The following RGPD2 variants were observed in gnomAD, a reference collection of about 807,000 sequenced individuals.
The protein encoded by RGPD2 is RANBP2 like and GRIP domain containing 2.
In RGPD2, 2 loss-of-function variants were observed where a neutral mutation model predicts 36.0. The observed-to-expected ratio is 0.06, with a 90% CI of 0.02 to 0.17. The LOEUF is 0.17. Ranked by LOEUF, RGPD2 falls within the 10% of genes least tolerant of loss-of-function variation. The probability of loss-of-function intolerance (pLI) is 1.00; values close to 1 mark genes in which losing one functional copy is unlikely to be tolerated. For synonymous variants in RGPD2, 19 were observed against 163.8 expected, an observed-to-expected ratio of 0.12 and a Z score of 6.75; for missense variants, 40 against 464.3, an observed-to-expected ratio of 0.09 and a Z score of 8.40.
chr2:87,877,460 G>T, the RGPD2 span, among the ~76,000 whole-genome samples: 4 of 152,152 alleles, frequency 2.6e-5, no homozygotes, highest in Non-Finnish European at 5.9e-5. Context: ...TTCACTTATG[G>T]AGCTTAGTTT....
the RGPD2 span, among the ~76,000 whole-genome samples, chr2:87,880,238 T>C: frequency 6.6e-6 from 1 of 152,238 alleles, no homozygotes; most frequent in Admixed American, 6.5e-5. Flanking sequence ...ATAATTTGCA[T>C]ATATTTTTCC....
the RGPD2 span, among the ~76,000 whole-genome samples, chr2:87,873,172 C>T: frequency 6.6e-6 from 1 of 151,922 alleles, no homozygotes; most frequent in Admixed American, 6.5e-5. Flanking sequence ...GACATAATCT[C>T]ATTCCCTTTT....
intron 1 of RGPD2, among the ~76,000 whole-genome samples, chr2:87,824,699 T>TGAGGCC (rs1164556606): frequency 1.9e-4 from 22 of 114,798 alleles, no homozygotes; most frequent in African/African-American, 5.4e-4. Flanking sequence ...GTAAGAGAGG[T>TGAGGCC]GAGGCCGAGG....
At chr2:87,827,147 G>A (rs531472307), upstream of RGPD2, among the ~76,000 whole-genome samples, 1 of 152,168 alleles carries the variant, frequency 6.6e-6, no homozygotes, top group East Asian at 1.9e-4. Flanking sequence ...AAATGAGATT[G>A]ACAGGAAGTG....
chr2:87,910,572 C>G, the RGPD2 span, among the ~76,000 whole-genome samples: 1 of 152,198 alleles, frequency 6.6e-6, no homozygotes, highest in Non-Finnish European at 1.5e-5. Flanking sequence ...TTTATTCATT[C>G]AACAAATACA....
chr2:87,756,575 G>C lies in RGPD2; in HGVS notation c.*817C>G, dbSNP rs1684729580. 2.8e-6 allele frequency: 1 copy of C among 360,430 alleles called. No individual in the cohort carries two copies. Among genetic ancestry groups the C allele is most frequent in the Non-Finnish European group, 5.3e-6 (1 of 189,100 alleles). 22.3% of individuals were successfully genotyped at this position (360,430 alleles called of 1,614,324 possible). ...AGCCTCTGGCTGCACTGTGCCCCGT[G>C]TGTCCCCAGCATCCTGGTGGGGCTC... On this transcript the variant is annotated 3_prime_UTR_variant, in exon 23 of 23. Transcript: ENST00000398146.
the RGPD2 span, among the ~76,000 whole-genome samples, chr2:87,935,430 C>G: frequency 4.0e-5 from 6 of 148,372 alleles, no homozygotes; most frequent in Non-Finnish European, 7.5e-5. Context: ...TGCTATGGCT[C>G]TATGAACTTC....
At chr2:87,923,226 T>C in the RGPD2 span, among the ~76,000 whole-genome samples, 137 of 152,282 alleles carry the variant, frequency 9.0e-4, 1 homozygote, top group Admixed American at 6.9e-3. Context: ...TGTGACAGCA[T>C]TCATAGGGAG....
At chr2:87,809,842 G>A (rs1337574614) in intron 6 of RGPD2, among the ~76,000 whole-genome samples, 3 of 142,512 alleles carry the variant, frequency 2.1e-5, no homozygotes, top group African/African-American at 7.5e-5. Flanking sequence ...GCCAAGGGCT[G>A]TCCTCAGGGC....
At chr2:87,960,142 TTA>T in the RGPD2 span, among the ~76,000 whole-genome samples, 2 of 151,488 alleles carry the variant, frequency 1.3e-5, no homozygotes, top group South Asian at 2.1e-4. Context: ...ACAGATGTTT[TTA>T]TGTTTCTATT....
chr2:87,962,270 G>A, the RGPD2 span, among the ~76,000 whole-genome samples: 1 of 152,104 alleles, frequency 6.6e-6, no homozygotes, highest in African/African-American at 2.4e-5. Flanking sequence ...GCTCACATTT[G>A]TGTAAACATT....
the RGPD2 span, among the ~76,000 whole-genome samples, chr2:87,975,631 TC>T: frequency 2.2e-4 from 34 of 151,962 alleles, no homozygotes; most frequent in African/African-American, 7.7e-4. Context: ...TTGTACACTC[TC>T]CACATACTAA....
At chr2:87,876,845 CTT>C in the RGPD2 span, among the ~76,000 whole-genome samples, 3 of 152,056 alleles carry the variant, frequency 2.0e-5, no homozygotes, top group African/African-American at 7.2e-5. Context: ...GTCTAAGTCT[CTT>C]TGTAGGTATC....
the RGPD2 span, among the ~76,000 whole-genome samples, chr2:87,933,629 C>T: frequency 6.7e-6 from 1 of 148,578 alleles, no homozygotes; most frequent in African/African-American, 2.5e-5. Context: ...TATTTAAATT[C>T]CAATAGTTTT....
At chr2:87,879,219 A>G in the RGPD2 span, among the ~76,000 whole-genome samples, 1 of 151,758 alleles carries the variant, frequency 6.6e-6, no homozygotes, top group Non-Finnish European at 1.5e-5. Context: ...ACTTTGATAT[A>G]GGCATGCAAT....
chr2:87,913,076 A>G, the RGPD2 span, among the ~76,000 whole-genome samples: 8 of 152,186 alleles, frequency 5.3e-5, no homozygotes, highest in Admixed American at 4.6e-4. Context: ...GAAAATAATT[A>G]TAAAAATATT....
chr2:87,961,057 A>T, the RGPD2 span, among the ~76,000 whole-genome samples: 1 of 148,578 alleles, frequency 6.7e-6, no homozygotes, highest in Non-Finnish European at 1.5e-5. Context: ...TAACTGAAAT[A>T]CAATTGAAAA....
At chr2:87,882,436 C>T in the RGPD2 span, among the ~76,000 whole-genome samples, 7 of 152,350 alleles carry the variant, frequency 4.6e-5, no homozygotes, top group East Asian at 9.6e-4. Context: ...TTTGGACTCT[C>T]TTCTACTACA....
intron 1 of RGPD2, chr2:87,824,951 C>A: frequency 5.2e-6 from 2 of 383,070 alleles, no homozygotes; most frequent in Non-Finnish European, 9.2e-6. Context: ...AATGCCCCAA[C>A]TAAATACTAC....
Sources: gnomAD v4.1 joint callset for allele counts (sites outside exome capture counted in the v4.1 genomes callset) on GRCh38, gnomAD v4.1.1 for gene constraint, MANE v1.5 for transcripts, NCBI Gene and HGNC (gene_info 2026-07-23, HGNC 2026-07-21) for gene names.